SLC26A8: variants seen among roughly 807,000 people sequenced by gnomAD.
SLC26A8 encodes the protein testis anion transporter 1.
In SLC26A8, 70 loss-of-function variants were observed where a neutral mutation model predicts 105.0. The ratio of observed to expected loss-of-function variants is 0.67; its 90% CI spans 0.55 to 0.81. The LOEUF (loss-of-function observed/expected upper bound fraction) is 0.81, where lower values mean the gene tolerates loss of function less well. Among genes scored for constraint, SLC26A8 ranks in the 40% least tolerant of loss-of-function variants. The pLI is 0.00. For missense variants in SLC26A8, 998 were observed against 1,181.8 expected, an observed-to-expected ratio of 0.84 and a Z score of 2.28; for synonymous variants, 415 against 438.3, an observed-to-expected ratio of 0.95 and a Z score of 0.66.
intron 7 of SLC26A8, among the ~76,000 whole-genome samples, chr6:35,986,630 T>C (rs1404833173): frequency 6.6e-6 from 1 of 152,222 alleles, no homozygotes; most frequent in Non-Finnish European, 1.5e-5. Flanking sequence ...CTTATTTCAC[T>C]TAACATGTCC....
At chr6:35,945,263 T>A (rs931409883) in intron 19 of SLC26A8, among the ~76,000 whole-genome samples, 23 of 152,362 alleles carry the variant, frequency 1.5e-4, no homozygotes, top group African/African-American at 5.3e-4. Context: ...TTACTCACTA[T>A]TCTTCAGACT....
chr6:35,955,069 A>G, intron 17 of SLC26A8, 83 bp downstream of exon 17: 2 of 1,554,516 alleles, frequency 1.3e-6, no homozygotes, highest in Non-Finnish European at 1.8e-6. Context: ...ATCAGTGACT[A>G]ACAGAATTCA....
intron 3 of SLC26A8, among the ~76,000 whole-genome samples, chr6:36,010,536 C>CTTTTTT (rs1173055463): frequency 8.5e-6 from 1 of 118,274 alleles, no homozygotes; most frequent in African/African-American, 3.4e-5. Context: ...TATATGTATT[C>CTTTTTT]TTTTTTTTTT....
At chr6:36,023,863 C>T (rs1762189831) in intron 1 of SLC26A8, among the ~76,000 whole-genome samples, 1 of 152,156 alleles carries the variant, frequency 6.6e-6, no homozygotes. Context: ...TTTAGTCACT[C>T]TGGCTAGTGG....
At chr6:35,969,006 T>C in intron 10 of SLC26A8, 52 bp from the exon 11 acceptor site, 1 of 1,515,242 alleles carries the variant, frequency 6.6e-7, no homozygotes, top group Non-Finnish European at 9.1e-7. Context: ...TATTGGTCCC[T>C]GTCTGCAACT....
intron 11 of SLC26A8, among the ~76,000 whole-genome samples, chr6:35,967,593 G>A (rs1772568375): frequency 6.6e-6 from 1 of 152,174 alleles, no homozygotes; most frequent in Non-Finnish European, 1.5e-5. Flanking sequence ...ACAACTTTCA[G>A]ACCTGCCTTC....
At chr6:35,964,836 G>A (rs147281156) in intron 11 of SLC26A8, among the ~76,000 whole-genome samples, 268 of 149,674 alleles carry the variant, frequency 1.8e-3, no homozygotes, top group African/African-American at 5.9e-3. Flanking sequence ...CAGTAGTGGC[G>A]TGCACCTGTA....
At chr6:35,963,611 A>G (rs1015313881) in intron 11 of SLC26A8, among the ~76,000 whole-genome samples, 5 of 152,202 alleles carry the variant, frequency 3.3e-5, no homozygotes, top group African/African-American at 9.7e-5. Flanking sequence ...ACATCTCGCC[A>G]GGCATAGCTA....
intron 5 of SLC26A8, among the ~76,000 whole-genome samples, chr6:35,995,270 G>A (rs2127352427): frequency 6.6e-6 from 1 of 152,242 alleles, no homozygotes; most frequent in East Asian, 1.9e-4. Context: ...ATCACGTTCA[G>A]TGTTAACATA....
Position 35,951,310 on chromosome 6 carries a change from A to C in SLC26A8, c.2325T>G (p.Phe775Leu), listed in dbSNP as rs1310870930. ...IVRAFERNDF[F>L]DAGITKTQLF... ...GCTGGGTCTTGGTGATGCCAGCGTC[A>C]AAGAAATCATTCCTCTCAAATGCCC... Residue 775 changes from phenylalanine to leucine, a missense_variant, in exon 19 of 20, where the codon TTT becomes TTG. Phe to Leu is a conservative substitution (Grantham distance 22, BLOSUM62 0). Coordinates refer to ENST00000490799, the MANE Select transcript of SLC26A8 (RefSeq NM_052961.4). The C allele has an allele frequency of 1.2e-6, 2 of 1,614,108 alleles. No individual in the cohort carries two copies. Among genetic ancestry groups the C allele is most frequent in the South Asian group, 2.2e-5 (2 of 91,078 alleles).
At chr6:36,023,662 T>C (rs1217652231) in intron 1 of SLC26A8, among the ~76,000 whole-genome samples, 2 of 152,152 alleles carry the variant, frequency 1.3e-5, no homozygotes, top group Admixed American at 6.5e-5. Flanking sequence ...CAGGAATATC[T>C]TCCCCCTGAT....
chr6:36,022,011 AGGCTGGAGTTCAG>A (rs1285736994), intron 1 of SLC26A8, among the ~76,000 whole-genome samples: 1 of 151,396 alleles, frequency 6.6e-6, no homozygotes, highest in Non-Finnish European at 1.5e-5. Context: ...TCTGTCACCC[AGGCTGGAGTTCAG>A]TGGCGCGATC....
At chr6:36,006,133 T>C (rs1761677404) in intron 3 of SLC26A8, among the ~76,000 whole-genome samples, 1 of 152,192 alleles carries the variant, frequency 6.6e-6, no homozygotes, top group African/African-American at 2.4e-5. Flanking sequence ...AAATCTTTTT[T>C]TTTTCCAATG....
intron 3 of SLC26A8, among the ~76,000 whole-genome samples, chr6:36,009,070 A>G (rs1447974533): frequency 6.6e-6 from 1 of 152,148 alleles, no homozygotes; most frequent in African/African-American, 2.4e-5. Flanking sequence ...CCTGCACATG[A>G]GGCCAGGCGC....
intron 3 of SLC26A8, among the ~76,000 whole-genome samples, chr6:36,000,461 C>T (rs1433694296): frequency 6.6e-6 from 1 of 152,186 alleles, no homozygotes; most frequent in African/African-American, 2.4e-5. Context: ...CTAGCACAAG[C>T]AGGCCGTGGG....
intron 2 of SLC26A8, among the ~76,000 whole-genome samples, chr6:36,018,972 G>A (rs1255797202): frequency 6.6e-6 from 1 of 152,092 alleles, no homozygotes; most frequent in Non-Finnish European, 1.5e-5. Context: ...TGTTGCCCAG[G>A]CTAGAGTGTA....
At chr6:35,968,987 T>C (rs778225358) in intron 10 of SLC26A8, 33 bp from the exon 11 acceptor site, 2 of 1,596,276 alleles carry the variant, frequency 1.3e-6, no homozygotes, top group African/African-American at 1.3e-5. Context: ...AGAGAAACCA[T>C]CAGGAACGTA....
intron 4 of SLC26A8, among the ~76,000 whole-genome samples, chr6:35,998,162 T>G (rs1761410609): frequency 1.3e-5 from 2 of 152,180 alleles, no homozygotes; most frequent in South Asian, 4.1e-4. Flanking sequence ...TATGGGTATG[T>G]TGAGTGGAAT....
rs567050658 is a variant in SLC26A8, at chr6:36,008,107, G to A, written c.328+4126C>T. 6.3e-5 allele frequency among the ~76,000 whole-genome samples: 8 copies of A among 127,194 alleles called. No homozygotes were observed. In the East Asian group the frequency reaches 7.1e-4, roughly 11 times the overall value. The allele number at this position is 127,194 out of a possible 152,430, so 83.4% of individuals were successfully genotyped here. A position where few individuals can be genotyped will look rare whatever the true frequency, so the allele number is the denominator to read the frequency against. The stretch of plus-strand genomic sequence containing the variant: ...TGCACTCCAGCCTGGGCAACAGAGC[G>A]AGACTCCGTCTCAAAAAAAAAAAAA... On this transcript the variant is annotated intron_variant, in intron 3 of 19. Transcript: ENST00000490799.
Sources: allele counts gnomAD v4.1 joint callset (sites outside exome capture counted in the v4.1 genomes callset), GRCh38; gene constraint gnomAD v4.1.1; transcripts MANE v1.5; gene names NCBI Gene and HGNC (gene_info 2026-07-23, HGNC 2026-07-21).